The following RNF149 variants were observed in gnomAD, a reference collection of about 807,000 sequenced individuals.
RNF149 encodes the protein E3 ubiquitin-protein ligase RNF149.
RNF149 carries 21 observed loss-of-function variants against 39.0 expected under a neutral mutation model. The observed-to-expected ratio is 0.54, with a 90% confidence interval of 0.38 to 0.77. RNF149 has a LOEUF of 0.77. RNF149 is among the 30% of genes least tolerant of loss of function. RNF149 has a pLI of 0.00. For synonymous variants in RNF149, 209 were observed against 213.6 expected, an observed-to-expected ratio of 0.98 and a Z score of 0.19; for missense variants, 493 against 534.9, an observed-to-expected ratio of 0.92 and a Z score of 0.77.
chr2:101,303,987 C>T (rs1481634913), intron 1 of RNF149, among the ~76,000 whole-genome samples: 1 of 152,210 alleles, frequency 6.6e-6, no homozygotes, highest in Non-Finnish European at 1.5e-5. Flanking sequence ...TGTTAACAAA[C>T]ATATGTATGT....
At chr2:101,275,338 C>T (rs1277645164), downstream of RNF149, among the ~76,000 whole-genome samples, 3 of 144,062 alleles carry the variant, frequency 2.1e-5, no homozygotes, top group African/African-American at 2.6e-5. Context: ...AGGATGGTCT[C>T]GATCTCCTGA....
At chr2:101,281,766 C>T in intron 6 of RNF149, 93 bp downstream of exon 6, 12 of 1,481,056 alleles carry the variant, frequency 8.1e-6, no homozygotes, top group Non-Finnish European at 1.1e-5. Context: ...TCGAGCAATC[C>T]TCCCACCTTA....
In RNF149 at chr2:101,278,507, AAATAT is replaced by A. The variant is rs531637090; in HGVS notation, c.1160-1231_1160-1227del. On this transcript the variant is annotated intron_variant, in intron 6 of 6. Coordinates refer to ENST00000295317, the MANE Select transcript of RNF149 (RefSeq NM_173647.4). ...CATAAAATGCTTCCTCTTGTTTTAT[AAATAT>A]AAGTGTATATTTATAAATACAAAAT... 4.5e-3 allele frequency among the ~76,000 whole-genome samples: 679 copies of A among 152,122 alleles called. 3 individuals are homozygous for A. Among genetic ancestry groups the A allele is most frequent in the African/African-American group, 0.015 (610 of 41,410 alleles).
chr2:101,289,664 C>A (rs1682934617), intron 3 of RNF149, among the ~76,000 whole-genome samples: 1 of 149,178 alleles, frequency 6.7e-6, no homozygotes, highest in Non-Finnish European at 1.5e-5. Context: ...AAGATGGCAC[C>A]ACTGCACTCC....
rs115713247 is a variant in RNF149 at position 101,281,824 on chromosome 2, A to G, written c.1159+35T>C. 1.9e-3 allele frequency: 3,076 copies of G among 1,611,088 alleles called. 7 individuals are homozygous for G. The highest frequency in any genetic ancestry group is 2.1e-3 in the Non-Finnish European group (2,492 of 1,179,268). On this transcript the variant is annotated intron_variant, in intron 6 of 6. Transcript: ENST00000295317. ...CAGGTGTGAGCCACCACTCCTGGCC[A>G]CATTCTATTGTTTTATAATTTGCAC... is the stretch of plus-strand genomic sequence containing the variant.
At chr2:101,307,018 A>C (rs923959380) in intron 1 of RNF149, among the ~76,000 whole-genome samples, 5 of 152,238 alleles carry the variant, frequency 3.3e-5, no homozygotes, top group African/African-American at 1.2e-4. Context: ...GTTATCTTAC[A>C]TAACAGAGTA....
At chr2:101,277,704 A>G (rs1437238705) in intron 6 of RNF149, among the ~76,000 whole-genome samples, 1 of 152,196 alleles carries the variant, frequency 6.6e-6, no homozygotes, top group Non-Finnish European at 1.5e-5. Flanking sequence ...AAAATTTTAA[A>G]TAAAACATAC....
In RNF149 at chr2:101,277,232, C is replaced by T. The variant is rs775418300; in HGVS notation, c.*6G>A. The T allele has an allele frequency of 1.4e-5, 23 of 1,613,258 alleles. No individual in the cohort carries two copies. The highest frequency in any genetic ancestry group is 1.9e-5 in the Non-Finnish European group (22 of 1,179,574). ...TCTGTTGGTGCCACTTCAGTGGGCA[C>T]GTGTGCTAGGAGATGGGTCCTCCAT... On this transcript the variant is annotated 3_prime_UTR_variant, in exon 7 of 7. Transcript: ENST00000295317.
intron 1 of RNF149, chr2:101,307,894 T>C: frequency 7.1e-6 from 7 of 985,388 alleles, no homozygotes; most frequent in Non-Finnish European, 8.4e-6. Context: ...AGTACTCCCT[T>C]CACCTCATCG....
Position 101,278,509 on chromosome 2 carries a change from A to G in RNF149, c.1160-1228T>C, listed in dbSNP as rs72986715. On this transcript the variant is annotated intron_variant, in intron 6 of 6. Coordinates refer to ENST00000295317, the MANE Select transcript of RNF149 (RefSeq NM_173647.4). ...TAAAATGCTTCCTCTTGTTTTATAA[A>G]TATAAGTGTATATTTATAAATACAA... 2.9e-3 allele frequency among the ~76,000 whole-genome samples: 433 copies of G among 150,764 alleles called. 2 individuals carry two copies. The highest frequency in any genetic ancestry group is 0.01 in the African/African-American group (403 of 40,184).
At chr2:101,279,287 C>A (rs193133937) in intron 6 of RNF149, among the ~76,000 whole-genome samples, 63 of 152,282 alleles carry the variant, frequency 4.1e-4, no homozygotes, top group African/African-American at 1.4e-3. Flanking sequence ...TATTTCTACC[C>A]ATGATTTCAT....
chr2:101,302,119 C>A (rs1683476920), intron 1 of RNF149, among the ~76,000 whole-genome samples: 1 of 152,190 alleles, frequency 6.6e-6, no homozygotes, highest in South Asian at 2.1e-4. Context: ...CCATCTGCCT[C>A]TTAGATACCT....
rs140546583 is a variant in RNF149 at position 101,279,675 on chromosome 2, C to T, written c.1159+2184G>A. ...GAATGCCTACACAGATCAATCGCTA[C>T]AATTTTATAATTCTCTGAAATCTAT... On this transcript the variant is annotated intron_variant, in intron 6 of 6. Transcript: ENST00000295317. Among the ~76,000 whole-genome samples the T allele has an allele frequency of 1.3e-4, 20 of 152,336 alleles. No individual in the cohort carries two copies. In the East Asian group the frequency reaches 3.3e-3, roughly 25 times the overall value.
intron 4 of RNF149, 70 bp from the exon 5 acceptor site, chr2:101,286,247 A>G (rs1467333970): frequency 5.5e-6 from 5 of 905,554 alleles, no homozygotes; most frequent in Non-Finnish European, 8.9e-6. Flanking sequence ...GAAATAAGAC[A>G]TTGTACCAAC....
chr2:101,285,381 T>C (rs1682758694), intron 5 of RNF149, among the ~76,000 whole-genome samples: 1 of 152,216 alleles, frequency 6.6e-6, no homozygotes, highest in Non-Finnish European at 1.5e-5. Context: ...TGAAAGATGA[T>C]TCCCCATTAG....
chr2:101,292,444 T>C (rs1206300610), intron 3 of RNF149, among the ~76,000 whole-genome samples: 1 of 152,170 alleles, frequency 6.6e-6, no homozygotes, highest in Non-Finnish European at 1.5e-5. Context: ...AAATTAAACA[T>C]ATACATCTAT....
At chr2:101,293,501 A>T (rs1357055142) in intron 3 of RNF149, among the ~76,000 whole-genome samples, 2 of 152,250 alleles carry the variant, frequency 1.3e-5, no homozygotes, top group Non-Finnish European at 2.9e-5. Context: ...AAATTCTGGT[A>T]TGATTTCGAA....
rs367793540 is a variant in RNF149, at chr2:101,293,990, A to G, written c.780+24T>C. ...ATTCTCTACTCTAAACCACAAAACA[A>G]AAGAAAAACCATGAAAATATTACCT... is the stretch of plus-strand genomic sequence containing the variant. On this transcript the variant is annotated intron_variant, in intron 3 of 6. Coordinates refer to ENST00000295317, the MANE Select transcript of RNF149 (RefSeq NM_173647.4). 14 of 1,419,584 alleles carry G rather than the reference A, an allele frequency of 9.9e-6. No homozygotes were observed. In the African/African-American group the frequency reaches 2.0e-4, roughly 20 times the overall value. 87.9% of individuals were successfully genotyped at this position (1,419,584 alleles called of 1,614,324 possible). A position where few individuals can be genotyped will look rare whatever the true frequency, so the allele number is the denominator to read the frequency against.
intron 2 of RNF149, 59 bp from the exon 3 acceptor site, chr2:101,294,141 C>A (rs1683129604): frequency 1.0e-6 from 1 of 973,184 alleles, no homozygotes; most frequent in South Asian, 1.4e-5. Flanking sequence ...CACTATTTTT[C>A]TTAAAAGTCA....
Sources: gnomAD v4.1 joint callset for allele counts (sites outside exome capture counted in the v4.1 genomes callset) on GRCh38, gnomAD v4.1.1 for gene constraint, MANE v1.5 for transcripts, NCBI Gene and HGNC (gene_info 2026-07-23, HGNC 2026-07-21) for gene names.